Variants in CBFA2T3 observed in about 807,000 individuals in gnomAD.
CBFA2T3 encodes the protein transcriptional corepressor CBFA2T3.
In CBFA2T3, 31 loss-of-function variants were observed where a neutral mutation model predicts 58.6. The ratio of observed to expected loss-of-function variants is 0.53; its 90% CI spans 0.40 to 0.71. The LOEUF is 0.71. CBFA2T3 is among the 30% of genes least tolerant of loss of function. CBFA2T3 has a pLI of 0.00. For synonymous variants in CBFA2T3, 531 were observed against 421.9 expected (o/e 1.26, Z -3.17); for missense variants, 1,076 against 963.1 (o/e 1.12, Z -1.55).
chr16:88,876,464 C>A lies in CBFA2T3; in HGVS notation c.*512G>T, dbSNP rs1968831280. ...TTTAATCAGGAGGGGGAGAACCCCC[C>A]CGTTTTCTTTGTCCATTTCTGAGTA... On this transcript the variant is annotated 3_prime_UTR_variant, in exon 12 of 12. Coordinates refer to ENST00000268679, the MANE Select transcript of CBFA2T3 (RefSeq NM_005187.6). 4.3e-6 allele frequency: 1 copy of A among 231,778 alleles called. No homozygotes were observed. The highest frequency in any genetic ancestry group is 8.5e-6 in the Non-Finnish European group (1 of 117,314). The allele number at this position is 231,778 out of a possible 1,614,324, so 14.4% of individuals were successfully genotyped here.
intron 1 of CBFA2T3, chr16:88,902,554 C>G (rs904588001): frequency 2.0e-5 from 3 of 152,284 alleles, no homozygotes; most frequent in African/African-American, 7.2e-5. Flanking sequence ...TTGTGCCACC[C>G]AGAGAGCAGG....
intron 10 of CBFA2T3, 94 bp downstream of exon 10, chr16:88,880,626 G>C: frequency 1.9e-6 from 2 of 1,046,286 alleles, no homozygotes; most frequent in Non-Finnish European, 2.9e-6. Flanking sequence ...CCCAGAGAGA[G>C]ACAGAAGCTC....
intron 1 of CBFA2T3, chr16:88,941,914 C>A (rs1020455549): frequency 1.0e-4 from 15 of 150,412 alleles, no homozygotes; most frequent in African/African-American, 3.4e-4. Flanking sequence ...TCGGCCGCCG[C>A]CCCCGCCCCC....
chr16:88,886,412 G>A (rs1363684812), intron 5 of CBFA2T3: 2 of 358,192 alleles, frequency 5.6e-6, no homozygotes, highest in East Asian at 4.3e-5. Flanking sequence ...CCAGATCCTG[G>A]ACTCCCAGGG....
At chr16:88,942,222 G>A (rs894671261) in intron 1 of CBFA2T3, among the ~76,000 whole-genome samples, 1 of 152,102 alleles carries the variant, frequency 6.6e-6, no homozygotes, top group African/African-American at 2.4e-5. Context: ...ACTTTGTGGC[G>A]TGTCTGGCGC....
At chr16:88,936,026 A>G (rs1363200976) in intron 1 of CBFA2T3, among the ~76,000 whole-genome samples, 1 of 151,898 alleles carries the variant, frequency 6.6e-6, no homozygotes, top group Non-Finnish European at 1.5e-5. Flanking sequence ...GGCTGCAGTC[A>G]CCCCTGGCCC....
rs146915166 is a variant in CBFA2T3, at chr16:88,891,465, G to A, written c.711+417C>T. 2.6e-3 allele frequency among the ~76,000 whole-genome samples: 389 copies of A among 152,308 alleles called. 2 individuals are homozygous for A. Among genetic ancestry groups the A allele is most frequent in the African/African-American group, 8.8e-3 (364 of 41,570 alleles). On this transcript the variant is annotated intron_variant, in intron 5 of 11. Coordinates refer to ENST00000268679, the MANE Select transcript of CBFA2T3 (RefSeq NM_005187.6). ...TCCCACCCCAGGGTGCTGGCTCCAG[G>A]AGGGACCTGCTGCATGTCCTGGGCC...
intron 8 of CBFA2T3, 60 bp downstream of exon 8, chr16:88,882,616 G>T: frequency 9.4e-7 from 1 of 1,059,254 alleles, no homozygotes; most frequent in African/African-American, 1.6e-5. Flanking sequence ...GTGGCTGTGT[G>T]TGTGCGTGGC....
chr16:88,893,265 C>G (rs533179406), intron 3 of CBFA2T3, among the ~76,000 whole-genome samples: 165 of 145,678 alleles, frequency 1.1e-3, no homozygotes, highest in African/African-American at 3.8e-3. Context: ...ATGTGCCTCC[C>G]CACACACAGG....
In CBFA2T3 at chr16:88,885,597, G is replaced by C. The variant is rs1597666385; in HGVS notation, c.894-328C>G. 1 of 406,644 alleles carries C rather than the reference G, an allele frequency of 2.5e-6. No homozygotes were observed. Among genetic ancestry groups the C allele is most frequent in the South Asian group, 4.5e-5 (1 of 22,422 alleles). The allele number at this position is 406,644 out of a possible 1,614,324, so 25.2% of individuals were successfully genotyped here. ...CGTAACTGGAGACCACCTGCCCCTT[G>C]GGCAGCAGCAGCACAAGAGCGTCTG... is the stretch of plus-strand genomic sequence containing the variant. On this transcript the variant is annotated intron_variant, in intron 6 of 11. Transcript: ENST00000268679. The surrounding 1 kb of genome is among the most constrained non-coding windows in gnomAD (Gnocchi z 5.3).
chr16:88,891,440 T>G (rs1416819673), intron 5 of CBFA2T3, among the ~76,000 whole-genome samples: 1 of 152,170 alleles, frequency 6.6e-6, no homozygotes, highest in Non-Finnish European at 1.5e-5. Context: ...CCGAACGCCT[T>G]CCCACCCCAG....
intron 1 of CBFA2T3, among the ~76,000 whole-genome samples, chr16:88,934,664 A>C (rs1021900185): frequency 3.9e-5 from 6 of 152,242 alleles, no homozygotes; most frequent in African/African-American, 1.2e-4. Context: ...AGGGCCTGGT[A>C]AAGGAGGCAG....
chr16:88,967,324 T>C (rs1219702329), intron 1 of CBFA2T3, among the ~76,000 whole-genome samples: 1 of 152,168 alleles, frequency 6.6e-6, no homozygotes, highest in South Asian at 2.1e-4. Flanking sequence ...AAAATGAGAA[T>C]TCGATGCCTT....
chr16:88,929,785 C>T (rs1338818308), intron 1 of CBFA2T3, among the ~76,000 whole-genome samples: 1 of 151,426 alleles, frequency 6.6e-6, no homozygotes, highest in African/African-American at 2.4e-5. Context: ...GCAAAAGCTA[C>T]CAATACCCAC....
intron 1 of CBFA2T3, chr16:88,902,606 T>C (rs983118321): frequency 1.3e-5 from 2 of 151,506 alleles, no homozygotes; most frequent in African/African-American, 4.9e-5. Flanking sequence ...AGCACAGACG[T>C]GCCCGAGACA....
At chr16:88,903,270 C>A (rs985724935) in intron 1 of CBFA2T3, among the ~76,000 whole-genome samples, 3 of 152,206 alleles carry the variant, frequency 2.0e-5, no homozygotes, top group African/African-American at 7.2e-5. Context: ...TACAGAGAGG[C>A]AGAGAGGTTC....
At chr16:88,930,322 C>T (rs561442975) in intron 1 of CBFA2T3, among the ~76,000 whole-genome samples, 71 of 146,928 alleles carry the variant, frequency 4.8e-4, no homozygotes, top group African/African-American at 1.8e-3. Flanking sequence ...CACGCAAAAG[C>T]TACCAATACC....
At chr16:88,923,975 G>C (rs1448131594) in intron 1 of CBFA2T3, among the ~76,000 whole-genome samples, 1 of 152,204 alleles carries the variant, frequency 6.6e-6, no homozygotes, top group African/African-American at 2.4e-5. Flanking sequence ...CATGCTGAGG[G>C]TGCACAGCCC....
chr16:88,954,489 A>G (rs1972164775), intron 1 of CBFA2T3, among the ~76,000 whole-genome samples: 1 of 137,234 alleles, frequency 7.3e-6, no homozygotes, highest in Non-Finnish European at 1.5e-5. Context: ...AAGGCTCCTG[A>G]CCCCGCCCAA....
Sources: gnomAD v4.1 joint callset for allele counts (sites outside exome capture counted in the v4.1 genomes callset) on GRCh38, gnomAD v4.1.1 for gene constraint, Gnocchi (gnomAD v3.1) non-coding constraint, MANE v1.5 for transcripts, NCBI Gene and HGNC (gene_info 2026-07-23, HGNC 2026-07-21) for gene names.